The following CNTNAP2 variants were observed in gnomAD, a reference collection of about 807,000 sequenced individuals.
The protein encoded by CNTNAP2 is contactin-associated protein-like 2.
CNTNAP2 carries 98 observed loss-of-function variants against 155.2 expected under a neutral mutation model. The observed-to-expected ratio is 0.63, with a 90% CI of 0.54 to 0.75. The LOEUF is 0.75. Ranked by LOEUF, CNTNAP2 falls within the 30% of genes least tolerant of loss-of-function variation. The pLI is 0.00. For synonymous variants in CNTNAP2, 651 were observed against 631.2 expected (o/e 1.03, Z -0.47); for missense variants, 1,727 against 1,688.1 (o/e 1.02, Z -0.40).
At chr7:146,369,678 A>C (rs550854264) in intron 1 of CNTNAP2, among the ~76,000 whole-genome samples, 1 of 152,190 alleles carries the variant, frequency 6.6e-6, no homozygotes, top group African/African-American at 2.4e-5. Context: ...GCATATGTTT[A>C]AAAGCTACTT....
chr7:147,880,735 G>A (rs558657690), intron 13 of CNTNAP2, among the ~76,000 whole-genome samples: 2 of 152,204 alleles, frequency 1.3e-5, no homozygotes, highest in South Asian at 2.1e-4. Flanking sequence ...ACAATATTGA[G>A]CATCAAATGC....
chr7:146,173,600 C>T (rs1276508288), intron 1 of CNTNAP2, among the ~76,000 whole-genome samples: 1 of 152,026 alleles, frequency 6.6e-6, no homozygotes, highest in African/African-American at 2.4e-5. Context: ...ATTTAATTGC[C>T]CCTTAAAGTT....
At chr7:146,191,765 C>T (rs1007340947) in intron 1 of CNTNAP2, among the ~76,000 whole-genome samples, 16 of 152,146 alleles carry the variant, frequency 1.1e-4, no homozygotes, top group Admixed American at 2.0e-4. Flanking sequence ...CTGTTCTGCC[C>T]GGCTCTCAGG....
At chr7:147,139,324 A>T (rs1013428291) in intron 8 of CNTNAP2, among the ~76,000 whole-genome samples, 1 of 152,068 alleles carries the variant, frequency 6.6e-6, no homozygotes, top group Non-Finnish European at 1.5e-5. Flanking sequence ...AGCAATATGG[A>T]TTTACATAGT....
chr7:147,427,961 G>A (rs1382964465), intron 10 of CNTNAP2, among the ~76,000 whole-genome samples: 1 of 152,060 alleles, frequency 6.6e-6, no homozygotes, highest in Non-Finnish European at 1.5e-5. Context: ...GGAAAATCTG[G>A]CAAATTTTTA....
chr7:146,672,561 C>CA (rs1441741716), intron 1 of CNTNAP2, among the ~76,000 whole-genome samples: 2 of 152,054 alleles, frequency 1.3e-5, no homozygotes, highest in African/African-American at 4.8e-5. Flanking sequence ...AGTCACATCA[C>CA]AAAAAACCAC....
chr7:146,782,734 T>C (rs1299232280), intron 2 of CNTNAP2, among the ~76,000 whole-genome samples: 11 of 152,296 alleles, frequency 7.2e-5, no homozygotes, highest in East Asian at 1.9e-4. Context: ...TTATACTGTT[T>C]AGCAGAGCTA....
At position 147,708,379 on chromosome 7, in the gene CNTNAP2, C is replaced by T. The variant is rs975865145; in HGVS notation, c.2098+69073C>T. On this transcript the variant is annotated intron_variant, in intron 13 of 23. Coordinates refer to ENST00000361727, the MANE Select transcript of CNTNAP2 (RefSeq NM_014141.6). Reference sequence around the variant, plus strand: ...AGCTGCCAGCCATGACATGCATTGGCTGCAGGTGAGGAATGTCAATAGGAC... The same window carrying T: ...AGCTGCCAGCCATGACATGCATTGGTTGCAGGTGAGGAATGTCAATAGGAC... Among the ~76,000 whole-genome samples, 3 of 152,108 alleles carry T rather than the reference C, an allele frequency of 2.0e-5. No individual in the cohort carries two copies. The East Asian group carries it at 5.8e-4, about 29-fold the overall frequency.
At chr7:146,241,466 T>C (rs898548369) in intron 1 of CNTNAP2, among the ~76,000 whole-genome samples, 9 of 152,322 alleles carry the variant, frequency 5.9e-5, no homozygotes, top group African/African-American at 2.2e-4. Flanking sequence ...AGCATGGCTG[T>C]TTGCTCATAG....
intron 1 of CNTNAP2, among the ~76,000 whole-genome samples, chr7:146,504,464 T>C (rs530808593): frequency 2.5e-4 from 38 of 152,344 alleles, no homozygotes; most frequent in Admixed American, 2.1e-3. Context: ...AGATGCCACC[T>C]TGGGCAGCAA....
intron 11 of CNTNAP2, among the ~76,000 whole-genome samples, chr7:147,546,403 A>C (rs555769835): frequency 6.4e-4 from 98 of 152,308 alleles, no homozygotes; most frequent in African/African-American, 2.3e-3. Flanking sequence ...TATTACTTAT[A>C]TATTAATTCA....
At chr7:147,248,904 T>C (rs190049860) in intron 8 of CNTNAP2, among the ~76,000 whole-genome samples, 23 of 152,330 alleles carry the variant, frequency 1.5e-4, no homozygotes, top group Non-Finnish European at 2.2e-4. Context: ...TGTCTTATAA[T>C]TGAGTCAGGA....
At chr7:146,674,801 T>C (rs1301670728) in intron 1 of CNTNAP2, among the ~76,000 whole-genome samples, 1 of 152,094 alleles carries the variant, frequency 6.6e-6, no homozygotes, top group African/African-American at 2.4e-5. Flanking sequence ...GACTAGGAAA[T>C]GTGTAGTAAA....
chr7:147,525,648 G>A (rs769981961), intron 11 of CNTNAP2, among the ~76,000 whole-genome samples: 1 of 152,184 alleles, frequency 6.6e-6, no homozygotes, highest in Non-Finnish European at 1.5e-5. Flanking sequence ...GGAAGATTGT[G>A]ATTTAATGGA....
At chr7:148,121,956 G>A (rs1189847008) in intron 16 of CNTNAP2, among the ~76,000 whole-genome samples, 1 of 152,186 alleles carries the variant, frequency 6.6e-6, no homozygotes, top group Non-Finnish European at 1.5e-5. Context: ...CAAATCAAGT[G>A]TGATTTCTTT....
chr7:147,281,043 T>G (rs1805022126), intron 8 of CNTNAP2, among the ~76,000 whole-genome samples: 1 of 151,924 alleles, frequency 6.6e-6, no homozygotes, highest in Admixed American at 6.6e-5. Context: ...ATTTTTTGAA[T>G]CTCGATTTAA....
intron 19 of CNTNAP2, among the ~76,000 whole-genome samples, chr7:148,225,684 C>T (rs947045692): frequency 1.3e-5 from 2 of 152,104 alleles, no homozygotes; most frequent in Non-Finnish European, 2.9e-5. Flanking sequence ...GGAGAAAGGA[C>T]AAAAGCTAGT....
intron 8 of CNTNAP2, among the ~76,000 whole-genome samples, chr7:147,173,258 CT>C (rs1417782079): frequency 1.3e-5 from 2 of 151,974 alleles, no homozygotes; most frequent in African/African-American, 4.8e-5. Context: ...ATGTTTAGAA[CT>C]ACCATTTACA....
chr7:148,097,571 G>A (rs1367808830), intron 15 of CNTNAP2, among the ~76,000 whole-genome samples: 1 of 152,004 alleles, frequency 6.6e-6, no homozygotes. Context: ...TGCAAGCTCT[G>A]CCTCCCGGGT....
Sources: gnomAD v4.1 joint callset for allele counts (sites outside exome capture counted in the v4.1 genomes callset) on GRCh38, gnomAD v4.1.1 for gene constraint, MANE v1.5 for transcripts, NCBI Gene and HGNC (gene_info 2026-07-23, HGNC 2026-07-21) for gene names.